The following MYO5B variants were observed in gnomAD, a reference collection of about 807,000 sequenced individuals.
MYO5B encodes unconventional myosin-Vb.
In MYO5B, 143 loss-of-function variants were observed where a neutral mutation model predicts 229.3. The observed-to-expected ratio is 0.62, with a 90% CI of 0.54 to 0.72. The LOEUF (loss-of-function observed/expected upper bound fraction) is 0.72. Among genes scored for constraint, MYO5B ranks in the 30% least tolerant of loss-of-function variants. The pLI, the probability that MYO5B is intolerant of heterozygous loss-of-function variation, is 0.00. For synonymous variants in MYO5B, 918 were observed against 885.2 expected, an observed-to-expected ratio of 1.04 and a Z score of -0.66; for missense variants, 2,321 against 2,331.0, an observed-to-expected ratio of 1.00 and a Z score of 0.09.
In MYO5B at chr18:49,959,458, T is replaced by A. The variant is rs1182767168; in HGVS notation, c.1545+2808A>T. Among the ~76,000 whole-genome samples, 3 of 152,306 alleles carry A rather than the reference T, an allele frequency of 2.0e-5. 1 individual carries two copies. In the South Asian group the frequency reaches 6.2e-4, roughly 32 times the overall value. On this transcript the variant is annotated intron_variant, in intron 12 of 39. Coordinates refer to ENST00000285039, the MANE Select transcript of MYO5B (RefSeq NM_001080467.3). ...AGAAACCACAATCCCCTGATCTGAA[T>A]ACAGAGTAAATCCTCCTGACAGCAG...
intron 4 of MYO5B, among the ~76,000 whole-genome samples, chr18:50,027,306 G>A (rs563427481): frequency 2.0e-5 from 3 of 152,314 alleles, no homozygotes; most frequent in African/African-American, 7.2e-5. Context: ...AAAATGCTGT[G>A]TAACTAGAAC....
intron 39 of MYO5B, among the ~76,000 whole-genome samples, chr18:49,835,007 A>G (rs540371016): frequency 9.7e-4 from 148 of 152,312 alleles, no homozygotes; most frequent in African/African-American, 3.3e-3. Context: ...TCTTAGTTCC[A>G]TTTATGGTTA....
chr18:50,129,805 C>G (rs568964278), intron 1 of MYO5B, among the ~76,000 whole-genome samples: 5 of 152,188 alleles, frequency 3.3e-5, no homozygotes, highest in African/African-American at 1.2e-4. Flanking sequence ...TAAACCAAAT[C>G]ATGGGACTAG....
At chr18:49,898,920 A>G (rs1023434647) in intron 21 of MYO5B, among the ~76,000 whole-genome samples, 2 of 152,150 alleles carry the variant, frequency 1.3e-5, no homozygotes, top group African/African-American at 4.8e-5. Flanking sequence ...GGGATTCTAG[A>G]GCACAGTCTG....
chr18:50,170,393 A>G (rs1248980070), intron 1 of MYO5B, among the ~76,000 whole-genome samples: 1 of 128,128 alleles, frequency 7.8e-6, no homozygotes, highest in Non-Finnish European at 1.7e-5. Flanking sequence ...TAGATGCTAG[A>G]CTTAAGGTAA....
At chr18:50,088,786 C>A (rs1305199084) in intron 1 of MYO5B, among the ~76,000 whole-genome samples, 3 of 152,172 alleles carry the variant, frequency 2.0e-5, no homozygotes, top group East Asian at 1.9e-4. Flanking sequence ...CTTTTCCAGT[C>A]ATTGTTTTGC....
In MYO5B at chr18:49,864,379, C is replaced by G; in HGVS notation, c.3605G>C (p.Arg1202Thr). 1 of 1,613,144 alleles carries G rather than the reference C, an allele frequency of 6.2e-7. No homozygotes were observed. The highest frequency in any genetic ancestry group is 1.1e-5 in the South Asian group (1 of 91,032). Residue 1202 changes from arginine to threonine, a missense_variant and splice_region_variant, in exon 28 of 40, where the codon AGG becomes ACG. Transcript: ENST00000285039. ...NADLAYNSLKRQELESENKKL... is the reference protein window; with the variant it reads ...NADLAYNSLKTQELESENKKL... ...TTTGTTCTCTGACTCCAGCTCTTGC[C>G]TCTGGAAGACAGCCCAAGGGCCGCT...
At chr18:50,161,652 A>C (rs1268619126) in intron 1 of MYO5B, among the ~76,000 whole-genome samples, 2 of 152,198 alleles carry the variant, frequency 1.3e-5, no homozygotes, top group Non-Finnish European at 2.9e-5. Flanking sequence ...CAGACCCTGA[A>C]GCAGAAGGAT....
chr18:49,923,769 T>C (rs912665570), intron 17 of MYO5B, among the ~76,000 whole-genome samples: 3 of 152,222 alleles, frequency 2.0e-5, no homozygotes, highest in African/African-American at 7.2e-5. Context: ...TTCATTCTGT[T>C]AAAAAGTTCT....
intron 4 of MYO5B, among the ~76,000 whole-genome samples, chr18:50,034,105 T>G (rs2026421644): frequency 6.6e-6 from 1 of 152,236 alleles, no homozygotes; most frequent in African/African-American, 2.4e-5. Context: ...CTGAAAACTA[T>G]TAATGTTAGT....
At position 49,936,168 on chromosome 18, in the gene MYO5B, A is replaced by T. The variant is rs564037354; in HGVS notation, c.2003+84T>A. On this transcript the variant is annotated intron_variant, in intron 16 of 39. Transcript: ENST00000285039. ...GTGGTCATCATGCTGAAGGCCACAG[A>T]CCCCCAGGCAAGGCCTGGGCCACCC... 1.3e-4 allele frequency: 153 copies of T among 1,172,050 alleles called. No homozygotes were observed. The African/African-American group carries it at 2.1e-3, about 16-fold the overall frequency. The allele number at this position is 1,172,050 out of a possible 1,614,324, so 72.6% of individuals were successfully genotyped here. A position where few individuals can be genotyped will look rare whatever the true frequency, so the allele number is the denominator to read the frequency against.
intron 1 of MYO5B, among the ~76,000 whole-genome samples, chr18:50,186,420 A>G (rs6507970): frequency 0.5 from 76,343 of 152,074 alleles, 19,331 homozygotes; most frequent in Admixed American, 0.59. Context: ...TAAAGCTATA[A>G]TAAGAGACCA....
intron 17 of MYO5B, among the ~76,000 whole-genome samples, chr18:49,924,560 G>A (rs940163961): frequency 1.3e-5 from 2 of 152,224 alleles, no homozygotes; most frequent in African/African-American, 4.8e-5. Flanking sequence ...CTGGAAAGAG[G>A]AGGGAGTTTT....
At chr18:50,192,617 C>T (rs1023211101) in intron 1 of MYO5B, among the ~76,000 whole-genome samples, 2 of 152,148 alleles carry the variant, frequency 1.3e-5, no homozygotes, top group African/African-American at 4.8e-5. Context: ...CAACAATGCT[C>T]CTTCTCATTC....
At chr18:50,008,725 C>T (rs1319207594) in intron 4 of MYO5B, among the ~76,000 whole-genome samples, 5 of 152,182 alleles carry the variant, frequency 3.3e-5, no homozygotes, top group African/African-American at 1.2e-4. Flanking sequence ...GAAAGGACAT[C>T]CCATCTCCAA....
intron 1 of MYO5B, among the ~76,000 whole-genome samples, chr18:50,067,924 G>T (rs1376220562): frequency 6.6e-6 from 1 of 152,112 alleles, no homozygotes; most frequent in African/African-American, 2.4e-5. Context: ...TAACACAAAA[G>T]CACTCCAGTC....
intron 39 of MYO5B, among the ~76,000 whole-genome samples, chr18:49,829,815 C>T (rs75528393): frequency 0.015 from 2,259 of 152,180 alleles, 47 homozygotes; most frequent in African/African-American, 0.052. Flanking sequence ...ATGTAATATA[C>T]CACATTAACA....
At chr18:50,143,675 G>T (rs941010969) in intron 1 of MYO5B, among the ~76,000 whole-genome samples, 1 of 152,208 alleles carries the variant, frequency 6.6e-6, no homozygotes, top group Non-Finnish European at 1.5e-5. Context: ...AGAAGGAATA[G>T]AAGGCAGGCA....
intron 16 of MYO5B, 89 bp downstream of exon 16, chr18:49,936,163 C>T (rs911389208): frequency 2.6e-6 from 3 of 1,138,614 alleles, no homozygotes; most frequent in African/African-American, 1.5e-5. Context: ...TGCTGAAGGC[C>T]ACAGACCCCC....
Sources: gnomAD v4.1 joint callset for allele counts (sites outside exome capture counted in the v4.1 genomes callset) on GRCh38, gnomAD v4.1.1 for gene constraint, MANE v1.5 for transcripts, NCBI Gene and HGNC (gene_info 2026-07-23, HGNC 2026-07-21) for gene names.